Variants in NKAIN3 observed in about 807,000 individuals in gnomAD.
NKAIN3 encodes sodium/potassium-transporting ATPase subunit beta-1-interacting protein 3.
NKAIN3 carries 25 observed loss-of-function variants against 30.2 expected under a neutral mutation model. The observed-to-expected ratio is 0.83, with a 90% CI of 0.60 to 1.16. The LOEUF is 1.16. NKAIN3 is among the 50% of genes most tolerant of loss of function. The probability of loss-of-function intolerance (pLI) is 0.00; values close to 1 mark genes in which losing one functional copy is unlikely to be tolerated. For synonymous variants in NKAIN3, 91 were observed against 89.6 expected, an observed-to-expected ratio of 1.02 and a Z score of -0.09; for missense variants, 225 against 254.1, an observed-to-expected ratio of 0.89 and a Z score of 0.78.
chr8:62,614,394 T>G (rs969104791), intron 3 of NKAIN3, among the ~76,000 whole-genome samples: 3 of 152,078 alleles, frequency 2.0e-5, no homozygotes, highest in African/African-American at 7.2e-5. Flanking sequence ...AATTTGGGAG[T>G]GGAGTGGCAC....
rs190346852 is a variant in NKAIN3, at chr8:62,433,299, T to A, written c.55-146240T>A. On this transcript the variant is annotated intron_variant, in intron 1 of 6. Transcript: ENST00000623646. The stretch of plus-strand genomic sequence containing the variant: ...CAAGTTATTATCAATCTTGTGGTGG[T>A]AGGTGGGGAACAAAAATGATCAGCT... 1.5e-3 allele frequency among the ~76,000 whole-genome samples: 226 copies of A among 152,170 alleles called. 1 individual carries two copies. Among genetic ancestry groups the A allele is most frequent in the African/African-American group, 5.0e-3 (206 of 41,520 alleles).
At chr8:62,826,971 T>C (rs1204882188) in intron 4 of NKAIN3, among the ~76,000 whole-genome samples, 1 of 152,232 alleles carries the variant, frequency 6.6e-6, no homozygotes, top group East Asian at 1.9e-4. Context: ...GAAAGGAAAT[T>C]ACTCAGTTAT....
chr8:62,261,570 A>G (rs1209534608), intron 1 of NKAIN3, among the ~76,000 whole-genome samples: 2 of 152,242 alleles, frequency 1.3e-5, no homozygotes, highest in Non-Finnish European at 2.9e-5. Flanking sequence ...TTCTTCCACA[A>G]GGATGTCAAG....
intron 3 of NKAIN3, among the ~76,000 whole-genome samples, chr8:62,608,241 A>C (rs975516599): frequency 1.3e-5 from 2 of 152,080 alleles, no homozygotes; most frequent in Non-Finnish European, 2.9e-5. Flanking sequence ...CTTTTTCCTA[A>C]AAGGAGAAAA....
chr8:62,274,691 T>C (rs890025887), intron 1 of NKAIN3, among the ~76,000 whole-genome samples: 23 of 152,094 alleles, frequency 1.5e-4, no homozygotes, highest in African/African-American at 4.3e-4. Context: ...GTGTGCTGCA[T>C]CCATTAACTC....
chr8:62,273,120 C>T (rs377116836), intron 1 of NKAIN3, among the ~76,000 whole-genome samples: 7 of 152,196 alleles, frequency 4.6e-5, no homozygotes, highest in South Asian at 2.1e-4. Context: ...AGGATATATT[C>T]GGCTCTTGGG....
intron 3 of NKAIN3, among the ~76,000 whole-genome samples, chr8:62,696,240 G>A (rs1321371129): frequency 6.6e-6 from 1 of 152,090 alleles, no homozygotes; most frequent in East Asian, 1.9e-4. Context: ...ATTATTGTCA[G>A]AATTTTTTCC....
In NKAIN3 at chr8:62,917,491, T is replaced by C. The variant is rs574272312; in HGVS notation, c.472-962T>C. ...GGCCTTTGTCCAGACAGTCCAGAGA[T>C]GGATGACAAGCTCAGGGTCCTAATT... On this transcript the variant is annotated intron_variant, in intron 4 of 6. Transcript: ENST00000623646. Among the ~76,000 whole-genome samples the C allele has an allele frequency of 9.3e-4, 141 of 152,280 alleles. 1 individual carries two copies. Among genetic ancestry groups the C allele is most frequent in the Admixed American group, 4.4e-3 (67 of 15,298 alleles).
At chr8:62,887,690 A>AT (rs1821189792) in intron 4 of NKAIN3, among the ~76,000 whole-genome samples, 1 of 151,918 alleles carries the variant, frequency 6.6e-6, no homozygotes, top group South Asian at 2.1e-4. Flanking sequence ...AGCATCCTTT[A>AT]TTTCTTATAC....
chr8:62,858,088 C>G (rs13249030), intron 4 of NKAIN3, among the ~76,000 whole-genome samples: 93,598 of 151,746 alleles, frequency 0.62, 29,536 homozygotes, highest in Non-Finnish European at 0.7. Flanking sequence ...TTTCTTTGAA[C>G]AGTCTGATGG....
At chr8:62,994,199 T>G (rs889847784) in intron 5 of NKAIN3, among the ~76,000 whole-genome samples, 4 of 152,186 alleles carry the variant, frequency 2.6e-5, no homozygotes, top group African/African-American at 9.6e-5. Context: ...AAGAAAAGAT[T>G]AGAAACAACC....
At chr8:62,725,313 T>C (rs573476730) in intron 3 of NKAIN3, among the ~76,000 whole-genome samples, 1 of 152,270 alleles carries the variant, frequency 6.6e-6, no homozygotes, top group East Asian at 1.9e-4. Context: ...ATTTTCACCC[T>C]TTGTAAGGAT....
At chr8:62,738,740 T>G (rs1235150874) in intron 3 of NKAIN3, among the ~76,000 whole-genome samples, 1 of 152,150 alleles carries the variant, frequency 6.6e-6, no homozygotes, top group Non-Finnish European at 1.5e-5. Flanking sequence ...TTTGTCAGAT[T>G]GATAAATTGC....
Position 62,268,615 on chromosome 8 carries a change from G to A in NKAIN3, c.54+19488G>A, listed in dbSNP as rs138386935. On this transcript the variant is annotated intron_variant, in intron 1 of 6. Coordinates refer to ENST00000623646, the MANE Select transcript of NKAIN3 (RefSeq NM_001304533.3). ...TTTTATGCAATACCTGTTATGTTAG[G>A]TATTGTGCATAACTCTTCATATTTT... Among the ~76,000 whole-genome samples the A allele has an allele frequency of 1.1e-4, 16 of 152,258 alleles. No homozygotes were observed. The East Asian group carries it at 1.2e-3, about 11-fold the overall frequency.
chr8:62,702,848 A>AT (rs1814384122), intron 3 of NKAIN3, among the ~76,000 whole-genome samples: 1 of 152,214 alleles, frequency 6.6e-6, no homozygotes, highest in Admixed American at 6.5e-5. Context: ...GGATTCCTAG[A>AT]TTAAATTTAA....
At chr8:62,588,085 C>T (rs71525495) in intron 2 of NKAIN3, among the ~76,000 whole-genome samples, 2,731 of 151,836 alleles carry the variant, frequency 0.018, 44 homozygotes, top group Middle Eastern at 0.048. Flanking sequence ...TTTTCCTAAT[C>T]TTTTTCAATG....
intron 3 of NKAIN3, among the ~76,000 whole-genome samples, chr8:62,704,737 T>C (rs1814464111): frequency 6.6e-6 from 1 of 152,206 alleles, no homozygotes; most frequent in African/African-American, 2.4e-5. Context: ...CTTAAAACTC[T>C]TATTTACATT....
intron 1 of NKAIN3, chr8:62,383,508 G>A: frequency 2.2e-6 from 1 of 455,408 alleles, no homozygotes; most frequent in Non-Finnish European, 4.4e-6. Flanking sequence ...AACCTGTTCA[G>A]GCAGATCTTT....
At chr8:62,992,495 C>T (rs748080780) in intron 5 of NKAIN3, among the ~76,000 whole-genome samples, 2 of 152,006 alleles carry the variant, frequency 1.3e-5, no homozygotes, top group African/African-American at 4.8e-5. Flanking sequence ...GAGAGGCTGA[C>T]GCCTGTCCCA....
Sources: gnomAD v4.1 joint callset for allele counts (sites outside exome capture counted in the v4.1 genomes callset) on GRCh38, gnomAD v4.1.1 for gene constraint, MANE v1.5 for transcripts, NCBI Gene and HGNC (gene_info 2026-07-23, HGNC 2026-07-21) for gene names.